GPR179: variants seen among roughly 807,000 people sequenced by gnomAD.
GPR179 encodes probable G protein-coupled receptor 179.
In GPR179, 52 loss-of-function variants were observed where a neutral mutation model predicts 70.8. That is an observed-to-expected ratio of 0.73 (90% CI 0.59 to 0.93). The LOEUF (loss-of-function observed/expected upper bound fraction) is 0.93, where lower values mean the gene tolerates loss of function less well. GPR179 is among the 40% of genes least tolerant of loss of function. The probability of loss-of-function intolerance (pLI) is 0.00; values close to 1 mark genes in which losing one functional copy is unlikely to be tolerated. For missense variants in GPR179, 2,734 were observed against 2,966.8 expected (o/e 0.92, Z 1.82); for synonymous variants, 1,123 against 1,169.0 (o/e 0.96, Z 0.80).
chr17:38,329,639 T>C lies in GPR179; in HGVS notation c.3930A>G (p.Pro1310=), dbSNP rs369573755. The C allele has an allele frequency of 1.2e-5, 19 of 1,614,062 alleles. No individual in the cohort carries two copies. Among genetic ancestry groups the C allele is most frequent in the Non-Finnish European group, 1.6e-5 (19 of 1,180,032 alleles). ...CTTCCTGCTCCCTCACCAGCCTCTC[T>C]GGCTTTTTCCGCATCATGGGAACCA... The part of the protein sequence containing the change: ...IDVVPMMRKK[P]ERLVREQEAV... The change falls in exon 11 of 11, where the codon CCA becomes CCG. Residue 1310 remains proline (P), a synonymous_variant. Coordinates refer to ENST00000616987, the MANE Select transcript of GPR179 (RefSeq NM_001004334.4).
At chr17:38,339,252 TA>T (rs977129686) in intron 2 of GPR179, 164 bp downstream of exon 2, 9 of 563,204 alleles carry the variant, frequency 1.6e-5, no homozygotes, top group Non-Finnish European at 2.5e-5. Context: ...CCTGACTTTT[TA>T]AAAGCCTGGT....
chr17:38,340,497 G>T (rs570139617), intron 1 of GPR179, among the ~76,000 whole-genome samples: 1 of 152,304 alleles, frequency 6.6e-6, no homozygotes, highest in South Asian at 2.1e-4. Context: ...GTTCAGGCTG[G>T]TCTTGAACTC....
At position 38,325,667 on chromosome 17, in the gene GPR179, A is replaced by T. The variant is rs939630745; in HGVS notation, c.*798T>A. Reference sequence around the variant, plus strand: ...CCCCTAAAAAACTAGCAAGAGGCACACAAGGATGTCTGGAAGGAAGAGCTC... The same window carrying T: ...CCCCTAAAAAACTAGCAAGAGGCACTCAAGGATGTCTGGAAGGAAGAGCTC... On this transcript the variant is annotated 3_prime_UTR_variant, in exon 11 of 11. Transcript: ENST00000616987. The T allele has an allele frequency of 6.6e-6, 1 of 152,392 alleles. No homozygotes were observed. The highest frequency in any genetic ancestry group is 1.5e-5 in the Non-Finnish European group (1 of 68,112). The allele number at this position is 152,392 out of a possible 1,614,324, so 9.4% of individuals were successfully genotyped here. A position where few individuals can be genotyped will look rare whatever the true frequency, so the allele number is the denominator to read the frequency against.
chr17:38,338,161 C>A (rs965042265), intron 2 of GPR179, among the ~76,000 whole-genome samples: 23 of 152,202 alleles, frequency 1.5e-4, no homozygotes, highest in Admixed American at 5.9e-4. Flanking sequence ...GGAAAGGCCC[C>A]CCACGGAGGA....
In GPR179 at chr17:38,328,239, C is replaced by A; in HGVS notation, c.5330G>T (p.Gly1777Val). 6.2e-7 allele frequency: 1 copy of A among 1,613,614 alleles called. No homozygotes were observed. The highest frequency in any genetic ancestry group is 8.5e-7 in the Non-Finnish European group (1 of 1,179,870). ...VGPGACSQHP[G>V]TLDADGPKAG... ...TTTTGGTCCATCAGCATCTAGAGTA[C>A]CTGGATGCTGAGAACAGGCCCCTGG... Residue 1777 changes from glycine to valine, a missense_variant, in exon 11 of 11, where the codon GGT becomes GTT. Gly to Val is a moderately radical substitution (Grantham distance 109). Coordinates refer to ENST00000616987, the MANE Select transcript of GPR179 (RefSeq NM_001004334.4).
intron 1 of GPR179, among the ~76,000 whole-genome samples, chr17:38,342,375 C>T (rs1486927373): frequency 6.6e-6 from 1 of 150,856 alleles, no homozygotes; most frequent in South Asian, 2.1e-4. Context: ...CTCTTGTTGC[C>T]CAGGCTGGAG....
In GPR179 at chr17:38,336,056, G is replaced by A. The variant is rs371333067; in HGVS notation, c.1296+20C>T. ...TGGGGGATGCTGGAAGGTGGGGCCA[G>A]CCTGTGGCCACAGACTCACAGGAAA... On this transcript the variant is annotated intron_variant, in intron 5 of 10. Coordinates refer to ENST00000616987, the MANE Select transcript of GPR179 (RefSeq NM_001004334.4). The A allele has an allele frequency of 6.3e-7, 1 of 1,587,786 alleles. No homozygotes were observed. The highest frequency in any genetic ancestry group is 8.7e-7 in the Non-Finnish European group (1 of 1,155,962).
Position 38,328,597 on chromosome 17 carries a change from T to C in GPR179, c.4972A>G (p.Ser1658Gly). 6.2e-7 allele frequency: 1 copy of C among 1,614,172 alleles called. No individual in the cohort carries two copies. Among genetic ancestry groups the C allele is most frequent in the Non-Finnish European group, 8.5e-7 (1 of 1,180,038 alleles). ...VGPWESVDPG[S>G]FSPQPRPQDT... ...TGAGGACGTGGTTGTGGGGAGAAGC[T>C]GCCAGGGTCCACACTCTCCCAGGGG... is the stretch of plus-strand genomic sequence containing the variant. Residue 1658 changes from serine to glycine, a missense_variant, in exon 11 of 11, where the codon AGC becomes GGC. Coordinates refer to ENST00000616987, the MANE Select transcript of GPR179 (RefSeq NM_001004334.4).
rs1002420487 is a variant in GPR179, at chr17:38,343,925, G to A, written c.-136C>T. On this transcript the variant is annotated 5_prime_UTR_variant, in exon 1 of 11. Transcript: ENST00000616987. This position sits in a 1 kb window ranked among gnomAD's most constrained non-coding sequence, Gnocchi z 4.2. ...CTTCCTCTCTCCGTCTCCCTCTCAC[G>A]CTGGTGCCAGCTCGCCTGCTTTTTT... The A allele has an allele frequency of 7.2e-6, 5 of 694,570 alleles. No homozygotes were observed. The highest frequency in any genetic ancestry group is 1.1e-5 in the Non-Finnish European group (5 of 437,720). 43.0% of individuals were successfully genotyped at this position (694,570 alleles called of 1,614,324 possible). A position where few individuals can be genotyped will look rare whatever the true frequency, so the allele number is the denominator to read the frequency against.
Position 38,329,743 on chromosome 17 carries a change from ACT to A in GPR179, c.3824_3825del (p.Glu1275ValfsTer10), listed in dbSNP as rs756192100. 6.2e-7 allele frequency: 1 copy of A among 1,612,844 alleles called. No homozygotes were observed. Among genetic ancestry groups the A allele is most frequent in the Non-Finnish European group, 8.5e-7 (1 of 1,179,690 alleles). The stretch of plus-strand genomic sequence containing the variant: ...CCTGGGTCTTGTCTTAGTGCCCTCG[ACT>A]CTGGGGCTCCTTCACTCGTCTCCCA... ...CPWETSEGAP[E>X]SRALRQDPGD... On this transcript the variant is annotated frameshift_variant, in exon 11 of 11. Transcript: ENST00000616987. LOFTEE classifies it low-confidence loss of function (END_TRUNC).
rs754076433 is a variant in GPR179 at position 38,335,674 on chromosome 17, A to G, written c.1323T>C (p.Ser441=). ...AGCGAAGAGCGATGCAGCGGAATAC[A>G]CTGGGCTTGAAGTATAGGATGAAGA... ...FPVFILYFKP[S]VFRCIALRWV... is the part of the protein sequence containing the mutation. Residue 441 remains serine (S), a synonymous_variant, in exon 6 of 11, where the codon AGT becomes AGC. Transcript: ENST00000616987. 35 of 1,613,874 alleles carry G rather than the reference A, an allele frequency of 2.2e-5. No homozygotes were observed. The highest frequency in any genetic ancestry group is 2.9e-5 in the Non-Finnish European group (34 of 1,179,866).
chr17:38,331,433 G>A lies in GPR179; in HGVS notation c.2136C>T (p.Cys712=), dbSNP rs1238459922. ...PHLPKKRGSS[C]QGLGRSFMRY... ...TCATGAAGGAGCGGCCCAGTCCCTG[G>A]CATGAGCTGCCTCGCTTCTTGGGCA... The change falls in exon 11 of 11, where the codon TGC becomes TGT. Residue 712 remains cysteine (C), a synonymous_variant. Coordinates refer to ENST00000616987, the MANE Select transcript of GPR179 (RefSeq NM_001004334.4). 4 of 1,614,048 alleles carry A rather than the reference G, an allele frequency of 2.5e-6. No individual in the cohort carries two copies. Among genetic ancestry groups the A allele is most frequent in the Non-Finnish European group, 8.5e-7 (1 of 1,180,018 alleles).
In GPR179 at chr17:38,328,764, CTT is replaced by C; in HGVS notation, c.4803_4804del (p.Glu1603GlyfsTer36). 6.2e-7 allele frequency: 1 copy of C among 1,613,940 alleles called. No homozygotes were observed. The highest frequency in any genetic ancestry group is 8.5e-7 in the Non-Finnish European group (1 of 1,179,976). ...CACCTGTGCTGATGTCCATTCCTCT[CTT>C]GTTCTTTCATTTACCTCCCAGGGAC... On this transcript the variant is annotated frameshift_variant, in exon 11 of 11. Transcript: ENST00000616987. LOFTEE classifies it low-confidence loss of function (END_TRUNC).
Position 38,343,289 on chromosome 17 carries a change from G to A in GPR179, c.501C>T (p.Thr167=). The part of the protein sequence containing the change: ...ASHLQLALQA[T]RTGEETILQD... ...GCAGGATGGTTTCCTCCCCAGTCCG[G>A]GTGGCCTGCAGGGCCAGCTGTAGGT... Residue 167 remains threonine, a synonymous_variant, in exon 1 of 11, where the codon ACC becomes ACT. Transcript: ENST00000616987. The surrounding 1 kb of genome is among the most constrained non-coding windows in gnomAD (Gnocchi z 4.2). 7 of 1,614,132 alleles carry A rather than the reference G, an allele frequency of 4.3e-6. No homozygotes were observed. Among genetic ancestry groups the A allele is most frequent in the Non-Finnish European group, 5.9e-6 (7 of 1,180,014 alleles).
At chr17:38,337,852 A>G (rs2037419509) in intron 2 of GPR179, 132 bp from the exon 3 acceptor site, 3 of 728,198 alleles carry the variant, frequency 4.1e-6, no homozygotes, top group Non-Finnish European at 6.9e-6. Context: ...GAATCCCTCC[A>G]GAAGCCCTCT....
At position 38,329,347 on chromosome 17, in the gene GPR179, T is replaced by C; in HGVS notation, c.4222A>G (p.Lys1408Glu). The stretch of plus-strand genomic sequence containing the variant: ...TTCCAAAAGGTTGCTTTCCTGGTTT[T>C]CTGCTTTTCCTGAGGGAGATCCTTC... ...AVKDLPQEKQ[K>E]TRKATFWKEQ... The change falls in exon 11 of 11, where the codon AAA becomes GAA. Residue 1408 changes from lysine (K) to glutamate (E), a missense_variant. Coordinates refer to ENST00000616987, the MANE Select transcript of GPR179 (RefSeq NM_001004334.4). 1 of 1,613,364 alleles carries C rather than the reference T, an allele frequency of 6.2e-7. No individual in the cohort carries two copies. The highest frequency in any genetic ancestry group is 8.5e-7 in the Non-Finnish European group (1 of 1,179,810).
chr17:38,333,256 T>C lies in GPR179; in HGVS notation c.2032A>G (p.Ile678Val). The C allele has an allele frequency of 6.2e-7, 1 of 1,613,708 alleles. No individual in the cohort carries two copies. The highest frequency in any genetic ancestry group is 8.5e-7 in the Non-Finnish European group (1 of 1,179,718). ...GCAGGGAGGGTGGCACATACCCGAATGTCTCCAGGGTCCAGGCTGTGCTCA... is the reference window on the plus strand; with the variant it reads ...GCAGGGAGGGTGGCACATACCCGAACGTCTCCAGGGTCCAGGCTGTGCTCA... Reference protein sequence around the residue: ...WSEHSLDPGDIRDELKKLYAQ... With the variant: ...WSEHSLDPGDVRDELKKLYAQ... Residue 678 changes from isoleucine (I) to valine (V), a missense_variant, in exon 10 of 11, where the codon ATT (isoleucine) becomes GTT (valine). By Grantham distance (29) the Ile-to-Val change is conservative (BLOSUM62 3). Coordinates refer to ENST00000616987, the MANE Select transcript of GPR179 (RefSeq NM_001004334.4).
rs1597661078 is a variant in GPR179, at chr17:38,327,161, A to G, written c.6408T>C (p.Gly2136=). ...KKAEICPWEA[G]GGAAEEGEQE... is the part of the protein sequence containing the mutation. ...GTTCCCCTTCCTCTGCTGCTCCTCC[A>G]CCCGCCTCCCAAGGGCAGATCTCTG... The change falls in exon 11 of 11, where the codon GGT becomes GGC. Residue 2136 remains glycine, a synonymous_variant. Transcript: ENST00000616987. 1 of 1,613,744 alleles carries G rather than the reference A, an allele frequency of 6.2e-7. No individual in the cohort carries two copies. Among genetic ancestry groups the G allele is most frequent in the East Asian group, 2.2e-5 (1 of 44,856 alleles).
In GPR179 at chr17:38,333,964, G is replaced by A; in HGVS notation, c.1859C>T (p.Thr620Ile). 1 of 1,613,878 alleles carries A rather than the reference G, an allele frequency of 6.2e-7. No individual in the cohort carries two copies. The highest frequency in any genetic ancestry group is 8.5e-7 in the Non-Finnish European group (1 of 1,179,894). ...GATGAAGATCAGAGCCAGCGTGGTG[G>A]TGACTGTGCTGTGGGTGTGGAAGAA... ...LFFFHTHSTVTTTLALIFIPK... is the reference protein window; with the variant it reads ...LFFFHTHSTVITTLALIFIPK... The change falls in exon 9 of 11, where the codon ACC becomes ATC. Residue 620 changes from threonine (T) to isoleucine (I), a missense_variant. By Grantham distance (89) the Thr-to-Ile change is moderately conservative. Coordinates refer to ENST00000616987, the MANE Select transcript of GPR179 (RefSeq NM_001004334.4).
Sources: allele counts gnomAD v4.1 joint callset (sites outside exome capture counted in the v4.1 genomes callset), GRCh38; gene constraint gnomAD v4.1.1; non-coding constraint Gnocchi (gnomAD v3.1); transcripts MANE v1.5; gene names NCBI Gene and HGNC (gene_info 2026-07-23, HGNC 2026-07-21).